IRF2: variants seen among roughly 807,000 people sequenced by gnomAD.
IRF2 encodes the protein interferon regulatory factor 2.
A neutral mutation model predicts 40.6 loss-of-function variants in IRF2; 15 were observed. The ratio of observed to expected loss-of-function variants is 0.37; its 90% CI spans 0.25 to 0.57. The LOEUF is 0.57. Ranked by LOEUF, IRF2 falls within the 20% of genes least tolerant of loss-of-function variation. IRF2 has a pLI of 0.77. For missense variants in IRF2, 317 were observed against 455.7 expected (o/e 0.70, Z 2.77); for synonymous variants, 151 against 165.5 (o/e 0.91, Z 0.67).
At chr4:184,432,051 T>C (rs1041694733) in intron 1 of IRF2, 4 of 152,212 alleles carry the variant, frequency 2.6e-5, no homozygotes, top group East Asian at 1.9e-4. Context: ...GAAACAGTAG[T>C]TGAAAAAGTC....
In IRF2 at chr4:184,397,432, C is replaced by T. The variant is rs145699783; in HGVS notation, c.694+1483G>A. 2.1e-3 allele frequency among the ~76,000 whole-genome samples: 316 copies of T among 151,952 alleles called. 6 individuals carry two copies. The highest frequency in any genetic ancestry group is 6.7e-3 in the African/African-American group (278 of 41,410). On this transcript the variant is annotated intron_variant, in intron 7 of 8. Transcript: ENST00000393593. ...TGGAGGTGGATGCTGGTGATGGCTGCGACAACATTAATGCACTGAATGCTA... is the reference window on the plus strand; with the variant it reads ...TGGAGGTGGATGCTGGTGATGGCTGTGACAACATTAATGCACTGAATGCTA...
intron 1 of IRF2, among the ~76,000 whole-genome samples, chr4:184,437,870 G>A (rs1036297836): frequency 3.3e-5 from 5 of 151,082 alleles, no homozygotes; most frequent in Non-Finnish European, 7.4e-5. Context: ...GATGACACGC[G>A]TATAGGAATC....
At chr4:184,409,512 G>A (rs527892094) in intron 5 of IRF2, among the ~76,000 whole-genome samples, 1 of 152,164 alleles carries the variant, frequency 6.6e-6, no homozygotes, top group African/African-American at 2.4e-5. Context: ...GGCAGGCCCA[G>A]AATATCCATC....
chr4:184,430,380 C>T (rs747271396), intron 1 of IRF2, among the ~76,000 whole-genome samples: 1 of 152,132 alleles, frequency 6.6e-6, no homozygotes, highest in Non-Finnish European at 1.5e-5. Context: ...GCTGCAGACA[C>T]CTCCTGCTCC....
At chr4:184,424,202 A>G (rs1737586265) in intron 2 of IRF2, among the ~76,000 whole-genome samples, 1 of 152,192 alleles carries the variant, frequency 6.6e-6, no homozygotes, top group South Asian at 2.1e-4. Flanking sequence ...ACCCATAACC[A>G]AAGGTAAATT....
intron 2 of IRF2, among the ~76,000 whole-genome samples, chr4:184,423,493 G>C (rs765812068): frequency 1.3e-5 from 2 of 152,096 alleles, no homozygotes; most frequent in Non-Finnish European, 2.9e-5. Flanking sequence ...TTTTTGTCTG[G>C]ACTCCTTACC....
At chr4:184,399,185 A>T in intron 6 of IRF2, 106 bp from the exon 7 acceptor site, 2 of 1,157,146 alleles carry the variant, frequency 1.7e-6, no homozygotes, top group South Asian at 1.6e-5. Context: ...CCAGGCTCCC[A>T]TCACCATCTG....
At chr4:184,398,539 C>T (rs997247537) in intron 7 of IRF2, among the ~76,000 whole-genome samples, 3 of 151,814 alleles carry the variant, frequency 2.0e-5, no homozygotes, top group African/African-American at 7.3e-5. Context: ...GCCTGTAATC[C>T]CAGCTACTCA....
At chr4:184,450,633 T>A (rs1042518730) in intron 1 of IRF2, among the ~76,000 whole-genome samples, 5 of 152,222 alleles carry the variant, frequency 3.3e-5, no homozygotes, top group African/African-American at 1.2e-4. Flanking sequence ...GTGCTTTACC[T>A]TACCAATCAA....
chr4:184,472,107 C>T (rs956816807), intron 1 of IRF2: 1 of 152,214 alleles, frequency 6.6e-6, no homozygotes, highest in East Asian at 1.9e-4. Context: ...GATGTTCCAA[C>T]GTTCCCCCTA....
intron 1 of IRF2, among the ~76,000 whole-genome samples, chr4:184,439,711 T>C (rs1375529721): frequency 1.3e-5 from 2 of 152,264 alleles, no homozygotes; most frequent in Non-Finnish European, 2.9e-5. Context: ...ACGTTTTCTA[T>C]ATCCTTTCGG....
Position 184,398,920 on chromosome 4 carries a change from T to C in IRF2, c.689A>G (p.Tyr230Cys). The C allele has an allele frequency of 6.2e-7, 1 of 1,603,038 alleles. No individual in the cohort carries two copies. Among genetic ancestry groups the C allele is most frequent in the South Asian group, 1.1e-5 (1 of 89,944 alleles). The change falls in exon 7 of 9, where the codon TAT becomes TGT. Residue 230 changes from tyrosine to cysteine, a missense_variant. Coordinates refer to ENST00000393593, the MANE Select transcript of IRF2 (RefSeq NM_002199.4). ...AGCCTCCCGCTGACGCTTACCTGCA[T>C]AGGAAGACACGGGGGAGATCTGCAG... is the stretch of plus-strand genomic sequence containing the variant. Reference protein sequence around the residue: ...YPLQISPVSSYAESETTDSVP... With the variant: ...YPLQISPVSSCAESETTDSVP...
intron 8 of IRF2, among the ~76,000 whole-genome samples, chr4:184,389,947 A>T (rs1736195718): frequency 6.6e-6 from 1 of 152,238 alleles, no homozygotes; most frequent in Non-Finnish European, 1.5e-5. Context: ...CATTCAGAGA[A>T]GTGGCTAGAG....
chr4:184,395,097 T>G (rs1254747977), intron 7 of IRF2, among the ~76,000 whole-genome samples: 1 of 152,110 alleles, frequency 6.6e-6, no homozygotes, highest in Non-Finnish European at 1.5e-5. Flanking sequence ...AAATACCAGT[T>G]TCCCAAACAG....
chr4:184,470,547 AGCGCACGCCT>A (rs1337342416), intron 1 of IRF2, among the ~76,000 whole-genome samples: 1 of 152,110 alleles, frequency 6.6e-6, no homozygotes, highest in African/African-American at 2.4e-5. Context: ...CAGGCATGGT[AGCGCACGCCT>A]GCGCACACCT....
At chr4:184,390,790 C>T in intron 7 of IRF2, 41 bp from the exon 8 acceptor site, 2 of 1,607,416 alleles carry the variant, frequency 1.2e-6, no homozygotes, top group Non-Finnish European at 1.7e-6. Context: ...CATTCCTGTC[C>T]CTCAAGCTGT....
intron 1 of IRF2, among the ~76,000 whole-genome samples, chr4:184,469,612 C>T (rs1739448663): frequency 6.6e-6 from 1 of 152,170 alleles, no homozygotes; most frequent in South Asian, 2.1e-4. Context: ...GAGTTTGAGC[C>T]TGTAGTGAGC....
At chr4:184,467,331 A>C (rs1037043263) in intron 1 of IRF2, among the ~76,000 whole-genome samples, 6 of 152,172 alleles carry the variant, frequency 3.9e-5, no homozygotes, top group East Asian at 1.9e-4. Flanking sequence ...TCAAGAATCC[A>C]GGAGTCACTA....
rs181066506 is a variant in IRF2, at chr4:184,392,556, C to T, written c.695-1807G>A. ...CTCCAGTGCCTTCCAGCTTTCCACC[C>T]GGTCCCTGCTGAGGGGCTGGCCTCT... On this transcript the variant is annotated intron_variant, in intron 7 of 8. Transcript: ENST00000393593. Among the ~76,000 whole-genome samples, 30 of 152,314 alleles carry T rather than the reference C, an allele frequency of 2.0e-4. No homozygotes were observed. In the East Asian group the frequency reaches 5.0e-3, roughly 25 times the overall value.
Sources: allele counts gnomAD v4.1 joint callset (sites outside exome capture counted in the v4.1 genomes callset), GRCh38; gene constraint gnomAD v4.1.1; transcripts MANE v1.5; gene names NCBI Gene and HGNC (gene_info 2026-07-23, HGNC 2026-07-21).